Variants in ZBTB8A observed in about 807,000 individuals in gnomAD.
ZBTB8A encodes zinc finger and BTB domain-containing protein 8A.
In ZBTB8A, 19 loss-of-function variants were observed where a neutral mutation model predicts 37.8. The ratio of observed to expected loss-of-function variants is 0.50; its 90% CI spans 0.35 to 0.74. The LOEUF is 0.74. ZBTB8A is among the 30% of genes least tolerant of loss of function. The pLI, the probability that ZBTB8A is intolerant of heterozygous loss-of-function variation, is 0.01. For synonymous variants in ZBTB8A, 181 were observed against 185.2 expected (o/e 0.98, Z 0.19); for missense variants, 394 against 537.8 (o/e 0.73, Z 2.65).
At chr1:32,540,361 C>CA (rs1160846166) in intron 1 of ZBTB8A, among the ~76,000 whole-genome samples, 1 of 152,170 alleles carries the variant, frequency 6.6e-6, no homozygotes, top group African/African-American at 2.4e-5. Flanking sequence ...CTTCTAACCA[C>CA]ACACGTCAAT....
intron 4 of ZBTB8A, among the ~76,000 whole-genome samples, chr1:32,596,451 C>A (rs1376089215): frequency 6.7e-6 from 1 of 150,298 alleles, no homozygotes; most frequent in East Asian, 1.9e-4. Flanking sequence ...CATGGTAGCG[C>A]ACACCTATAA....
At chr1:32,551,422 A>C (rs77955253) in intron 1 of ZBTB8A, among the ~76,000 whole-genome samples, 1 of 147,872 alleles carries the variant, frequency 6.8e-6, no homozygotes, top group African/African-American at 2.5e-5. Context: ...ACTCTCTCTC[A>C]AAAAAAAAAG....
chr1:32,541,095 AGACTT>A (rs1644049270), intron 1 of ZBTB8A, among the ~76,000 whole-genome samples: 2 of 152,260 alleles, frequency 1.3e-5, no homozygotes, highest in Non-Finnish European at 2.9e-5. Context: ...ACTGTGTAAT[AGACTT>A]AACTCAGTGA....
In ZBTB8A at chr1:32,562,244, C is replaced by T. The variant is rs144387065; in HGVS notation, c.-2+8704C>T. 3.5e-3 allele frequency among the ~76,000 whole-genome samples: 528 copies of T among 151,772 alleles called. 1 individual carries two copies. Among genetic ancestry groups the T allele is most frequent in the Non-Finnish European group, 5.4e-3 (369 of 67,948 alleles). On this transcript the variant is annotated intron_variant, in intron 2 of 4. Coordinates refer to ENST00000373510, the MANE Select transcript of ZBTB8A (RefSeq NM_001040441.3). The stretch of plus-strand genomic sequence containing the variant: ...GTGTTGGGAGTATAGGCATGAGCCA[C>T]CCTGCCCAGCCCCTGAGCTATTTTT...
chr1:32,575,450 C>T (rs191557800), intron 2 of ZBTB8A, among the ~76,000 whole-genome samples: 1 of 151,580 alleles, frequency 6.6e-6, no homozygotes, highest in Admixed American at 6.6e-5. Context: ...TGGTCTCAAA[C>T]TCCTGACTTC....
At chr1:32,595,566 C>T (rs542000907) in intron 4 of ZBTB8A, among the ~76,000 whole-genome samples, 1 of 150,038 alleles carries the variant, frequency 6.7e-6, no homozygotes, top group East Asian at 2.0e-4. Flanking sequence ...CCACGCCCGG[C>T]CTTGTTTTGT....
intron 2 of ZBTB8A, among the ~76,000 whole-genome samples, chr1:32,567,825 A>AAAAAAAACAAAAAC (rs1644294123): frequency 1.6e-5 from 1 of 63,676 alleles, no homozygotes; most frequent in African/African-American, 7.1e-5. Context: ...AAAAAAAAAC[A>AAAAAAAACAAAAAC]AAAACAAAAC....
At chr1:32,552,174 G>A (rs1644162011) in intron 1 of ZBTB8A, among the ~76,000 whole-genome samples, 2 of 152,014 alleles carry the variant, frequency 1.3e-5, no homozygotes, top group Admixed American at 6.6e-5. Flanking sequence ...GACCAGCCTG[G>A]GCAACATGAC....
At chr1:32,547,679 AAT>A (rs1644117345) in intron 1 of ZBTB8A, among the ~76,000 whole-genome samples, 1 of 150,424 alleles carries the variant, frequency 6.6e-6, no homozygotes. Context: ...TCTCAAGAAT[AAT>A]TTGGCACACA....
intron 3 of ZBTB8A, 106 bp from the exon 4 acceptor site, chr1:32,594,948 G>A (rs1349320081): frequency 1.8e-6 from 2 of 1,118,120 alleles, no homozygotes; most frequent in South Asian, 2.5e-5. Flanking sequence ...TTTTTTTTAA[G>A]TTTATTTTTT....
Position 32,575,226 on chromosome 1 carries a change from CT to C in ZBTB8A, c.-1-17685del, listed in dbSNP as rs778765276. ...TGTTCTTTTTGTTTTCTTTTCTTTC[CT>C]TTTTTTTTTTTTTTTTTTTGAGACA... On this transcript the variant is annotated intron_variant, in intron 2 of 4. Coordinates refer to ENST00000373510, the MANE Select transcript of ZBTB8A (RefSeq NM_001040441.3). Among the ~76,000 whole-genome samples, 191 of 100,984 alleles carry C rather than the reference CT, an allele frequency of 1.9e-3. 2 individuals are homozygous for C. The highest frequency in any genetic ancestry group is 0.012 in the Middle Eastern group (2 of 166). 66.2% of individuals were successfully genotyped at this position (100,984 alleles called of 152,430 possible).
chr1:32,547,660 A>AAAATGGTTTC, intron 1 of ZBTB8A, among the ~76,000 whole-genome samples: 1 of 150,172 alleles, frequency 6.7e-6, no homozygotes, highest in African/African-American at 2.4e-5. Flanking sequence ...AAAAAAGGCA[A>AAAATGGTTTC]AAATGGTTTC....
chr1:32,560,240 C>T (rs1644233135), intron 2 of ZBTB8A, among the ~76,000 whole-genome samples: 1 of 152,100 alleles, frequency 6.6e-6, no homozygotes, highest in African/African-American at 2.4e-5. Context: ...GGCCCCACAT[C>T]CAACACTGGG....
At chr1:32,552,032 A>G (rs868005108) in intron 1 of ZBTB8A, among the ~76,000 whole-genome samples, 4 of 152,152 alleles carry the variant, frequency 2.6e-5, no homozygotes, top group Middle Eastern at 3.2e-3. Flanking sequence ...CTGCCTTTGA[A>G]TAGTGTTGTC....
chr1:32,555,320 C>T (rs973705750), intron 2 of ZBTB8A, among the ~76,000 whole-genome samples: 4 of 152,022 alleles, frequency 2.6e-5, no homozygotes. Context: ...ACCCGGGAGA[C>T]GGAGCTTGCA....
chr1:32,556,176 C>T (rs1644200645), intron 2 of ZBTB8A, among the ~76,000 whole-genome samples: 1 of 152,096 alleles, frequency 6.6e-6, no homozygotes, highest in East Asian at 1.9e-4. Flanking sequence ...CGGGTTCAAG[C>T]GATTCTCCTG....
chr1:32,553,463 A>G lies in ZBTB8A; in HGVS notation c.-79A>G, dbSNP rs1410505732. The G allele has an allele frequency of 6.6e-6, 1 of 152,142 alleles. No homozygotes were observed. The highest frequency in any genetic ancestry group is 1.5e-5 in the Non-Finnish European group (1 of 68,040). The allele number at this position is 152,142 out of a possible 1,614,324, so 9.4% of individuals were successfully genotyped here. On this transcript the variant is annotated 5_prime_UTR_variant, in exon 2 of 5. Transcript: ENST00000373510. ...ATCTGTTTTCTCTCTCTACAGGACA[A>G]TCCTCCAAACACAGACTGTTTGACT...
intron 2 of ZBTB8A, among the ~76,000 whole-genome samples, chr1:32,582,530 C>T (rs1161753697): frequency 6.6e-6 from 1 of 152,060 alleles, no homozygotes; most frequent in Non-Finnish European, 1.5e-5. Flanking sequence ...TACCTGTAAT[C>T]CCAGCTACTT....
At chr1:32,571,882 TATA>T (rs1225498772) in intron 2 of ZBTB8A, among the ~76,000 whole-genome samples, 1 of 151,912 alleles carries the variant, frequency 6.6e-6, no homozygotes, top group Non-Finnish European at 1.5e-5. Flanking sequence ...CGGCCACAAA[TATA>T]ATATTAGGTT....
Sources: gnomAD v4.1 joint callset for allele counts (sites outside exome capture counted in the v4.1 genomes callset) on GRCh38, gnomAD v4.1.1 for gene constraint, MANE v1.5 for transcripts, NCBI Gene and HGNC (gene_info 2026-07-23, HGNC 2026-07-21) for gene names.